The following KCND2 variants were observed in gnomAD, a reference collection of about 807,000 sequenced individuals.
The protein encoded by KCND2 is A-type voltage-gated potassium channel KCND2.
Under a neutral mutation model 54.4 loss-of-function variants are expected in KCND2, and 16 were observed. That is an observed-to-expected ratio of 0.29 (90% CI 0.20 to 0.45). KCND2 has a LOEUF of 0.45. Ranked by LOEUF, KCND2 falls within the 20% of genes least tolerant of loss-of-function variation. KCND2 has a pLI of 1.00. For missense variants in KCND2, 486 were observed against 824.2 expected (o/e 0.59, Z 5.02); for synonymous variants, 317 against 310.7 (o/e 1.02, Z -0.21).
intron 1 of KCND2, among the ~76,000 whole-genome samples, chr7:120,388,930 A>C (rs1276201194): frequency 6.6e-6 from 1 of 150,740 alleles, no homozygotes; most frequent in African/African-American, 2.4e-5. Flanking sequence ...ACATATAGTA[A>C]ACTGGTAGAT....
At chr7:120,604,988 C>A (rs894240065) in intron 1 of KCND2, among the ~76,000 whole-genome samples, 3 of 152,156 alleles carry the variant, frequency 2.0e-5, no homozygotes, top group South Asian at 4.1e-4. Context: ...GTAAACAGTG[C>A]ATTTTTATTG....
intron 1 of KCND2, among the ~76,000 whole-genome samples, chr7:120,728,094 AC>A (rs1488356674): frequency 1.4e-5 from 2 of 146,860 alleles, no homozygotes; most frequent in Non-Finnish European, 3.0e-5. Context: ...AGATGGCACC[AC>A]TGCACTCCAG....
intron 1 of KCND2, among the ~76,000 whole-genome samples, chr7:120,635,672 G>T (rs535266133): frequency 6.6e-6 from 1 of 151,890 alleles, no homozygotes; most frequent in Non-Finnish European, 1.5e-5. Flanking sequence ...TTTATTAAGG[G>T]CAATAAAAAC....
At chr7:120,705,060 A>G (rs999371591) in intron 1 of KCND2, among the ~76,000 whole-genome samples, 2 of 152,182 alleles carry the variant, frequency 1.3e-5, no homozygotes, top group African/African-American at 2.4e-5. Flanking sequence ...GAGTTATTAG[A>G]TGTGAGTTTA....
At position 120,748,058 on chromosome 7, in the gene KCND2, A is replaced by G; in HGVS notation, c.*200A>G. 4 of 535,788 alleles carry G rather than the reference A, an allele frequency of 7.5e-6. No homozygotes were observed. In the South Asian group the frequency reaches 8.7e-5, roughly 12 times the overall value. The allele number at this position is 535,788 out of a possible 1,614,324, so 33.2% of individuals were successfully genotyped here. On this transcript the variant is annotated 3_prime_UTR_variant, in exon 6 of 6. Coordinates refer to ENST00000331113, the MANE Select transcript of KCND2 (RefSeq NM_012281.3). ...TTCTAGACAGTTTGACCTGTTATAC[A>G]GAGTAATATTCTGTGGCCCTTTGAC...
intron 1 of KCND2, among the ~76,000 whole-genome samples, chr7:120,284,157 C>A (rs907592291): frequency 6.6e-6 from 1 of 151,886 alleles, no homozygotes; most frequent in Non-Finnish European, 1.5e-5. Flanking sequence ...TCAGTGTGGC[C>A]TCTCACTTTA....
chr7:120,429,107 C>T (rs971938059), intron 1 of KCND2, among the ~76,000 whole-genome samples: 1 of 152,064 alleles, frequency 6.6e-6, no homozygotes, highest in Non-Finnish European at 1.5e-5. Context: ...TATAGAAGAG[C>T]CAAACTCACG....
rs576603517 is a variant in KCND2, at chr7:120,386,713, A to G, written c.1115+110966A>G. Among the ~76,000 whole-genome samples the G allele has an allele frequency of 6.6e-5, 10 of 152,242 alleles. No homozygotes were observed. In the South Asian group the frequency reaches 8.3e-4, roughly 13 times the overall value. On this transcript the variant is annotated intron_variant, in intron 1 of 5. Transcript: ENST00000331113. ...ACTCACAAATGTTGACAGTTCCACA[A>G]ATTTCACTGTTATATGAAACATTTC...
chr7:120,721,560 T>A (rs1175596062), intron 1 of KCND2, among the ~76,000 whole-genome samples: 2 of 152,206 alleles, frequency 1.3e-5, no homozygotes, highest in African/African-American at 2.4e-5. Context: ...TAGGTTAAAT[T>A]GAACACTAGA....
rs1398334831 is a variant in KCND2 at position 120,646,649 on chromosome 7, A to G, written c.1116-86254A>G. Among the ~76,000 whole-genome samples the G allele has an allele frequency of 2.0e-5, 3 of 152,246 alleles. No homozygotes were observed. The East Asian group carries it at 5.8e-4, about 29-fold the overall frequency. ...ATTTTGCTGAAGGGGAAGAAAGAAAAATGAGTATAAAGATTAGTTTCTAAA... is the reference window on the plus strand; with the variant it reads ...ATTTTGCTGAAGGGGAAGAAAGAAAGATGAGTATAAAGATTAGTTTCTAAA... On this transcript the variant is annotated intron_variant, in intron 1 of 5. Transcript: ENST00000331113.
chr7:120,688,524 C>T (rs1308688887), intron 1 of KCND2, among the ~76,000 whole-genome samples: 2 of 152,170 alleles, frequency 1.3e-5, no homozygotes, highest in Admixed American at 1.3e-4. Flanking sequence ...ATAGAGAGGA[C>T]CTTCCCAGGC....
chr7:120,512,701 T>A, intron 1 of KCND2, among the ~76,000 whole-genome samples: 1 of 152,034 alleles, frequency 6.6e-6, no homozygotes, highest in Non-Finnish European at 1.5e-5. Flanking sequence ...AACAAATTAG[T>A]GAGGGATTTT....
At chr7:120,736,570 A>C (rs1223354229) in intron 2 of KCND2, among the ~76,000 whole-genome samples, 1 of 151,998 alleles carries the variant, frequency 6.6e-6, no homozygotes, top group African/African-American at 2.4e-5. Flanking sequence ...TCACCTAATC[A>C]TCTGCATACT....
At chr7:120,392,226 G>C (rs1450295781) in intron 1 of KCND2, among the ~76,000 whole-genome samples, 2 of 152,000 alleles carry the variant, frequency 1.3e-5, no homozygotes, top group Non-Finnish European at 2.9e-5. Flanking sequence ...GATGGTTGTA[G>C]ATGTGTGGTG....
chr7:120,465,117 TA>T (rs1371335147), intron 1 of KCND2, among the ~76,000 whole-genome samples: 1 of 151,870 alleles, frequency 6.6e-6, no homozygotes, highest in African/African-American at 2.4e-5. Flanking sequence ...CAGAGGTAGG[TA>T]GGATTGAACC....
chr7:120,327,268 A>C (rs11769340), intron 1 of KCND2, among the ~76,000 whole-genome samples: 13,472 of 152,146 alleles, frequency 0.089, 670 homozygotes, highest in Admixed American at 0.12. Context: ...ATGGTATAAC[A>C]CAGGATGTAC....
Position 120,302,978 on chromosome 7 carries a change from A to T in KCND2, c.1115+27231A>T, listed in dbSNP as rs576654835. ...AACATTTAGAGACAGAGATGGAACTAAAAGCAAAATATTAGAACCTCAGTT... is the reference window on the plus strand; with the variant it reads ...AACATTTAGAGACAGAGATGGAACTTAAAGCAAAATATTAGAACCTCAGTT... On this transcript the variant is annotated intron_variant, in intron 1 of 5. Coordinates refer to ENST00000331113, the MANE Select transcript of KCND2 (RefSeq NM_012281.3). Among the ~76,000 whole-genome samples, 17 of 152,332 alleles carry T rather than the reference A, an allele frequency of 1.1e-4. No individual in the cohort carries two copies. The South Asian group carries it at 3.3e-3, about 30-fold the overall frequency.
chr7:120,584,812 A>G (rs1792571884), intron 1 of KCND2, among the ~76,000 whole-genome samples: 1 of 152,224 alleles, frequency 6.6e-6, no homozygotes, highest in Non-Finnish European at 1.5e-5. Flanking sequence ...TATTAGTTAA[A>G]GCAAAAAAAA....
intron 1 of KCND2, among the ~76,000 whole-genome samples, chr7:120,577,551 C>A (rs1792451875): frequency 1.3e-5 from 2 of 152,012 alleles, no homozygotes; most frequent in Admixed American, 6.5e-5. Context: ...ACGACAACAA[C>A]AACCGCAAAC....
Sources: gnomAD v4.1 joint callset for allele counts (sites outside exome capture counted in the v4.1 genomes callset) on GRCh38, gnomAD v4.1.1 for gene constraint, MANE v1.5 for transcripts, NCBI Gene and HGNC (gene_info 2026-07-23, HGNC 2026-07-21) for gene names.